MAML3: variants seen among roughly 807,000 people sequenced by gnomAD.
The protein encoded by MAML3 is mastermind-like protein 3.
In MAML3, 27 loss-of-function variants were observed where a neutral mutation model predicts 101.9. The observed-to-expected ratio is 0.27, with a 90% confidence interval of 0.20 to 0.37. MAML3 has a LOEUF of 0.37. Among genes scored for constraint, MAML3 ranks in the 10% least tolerant of loss-of-function variants. The pLI, the probability that MAML3 is intolerant of heterozygous loss-of-function variation, is 1.00. For missense variants in MAML3, 1,316 were observed against 1,444.9 expected (o/e 0.91, Z 1.45); for synonymous variants, 501 against 555.9 (o/e 0.90, Z 1.39).
chr4:139,784,012 C>T (rs1730262244), intron 2 of MAML3, among the ~76,000 whole-genome samples: 1 of 152,248 alleles, frequency 6.6e-6, no homozygotes, highest in Admixed American at 6.5e-5. Flanking sequence ...AGCTCACTGA[C>T]TGTGGGGGAG....
At chr4:140,041,670 G>C (rs77631279) in intron 1 of MAML3, among the ~76,000 whole-genome samples, 2,243 of 152,188 alleles carry the variant, frequency 0.015, 69 homozygotes, top group African/African-American at 0.05. Flanking sequence ...AAGGAAGGCA[G>C]GAGGATCAAC....
At chr4:139,906,494 C>G (rs946616845) in intron 1 of MAML3, among the ~76,000 whole-genome samples, 1 of 152,126 alleles carries the variant, frequency 6.6e-6, no homozygotes, top group African/African-American at 2.4e-5. Context: ...GAGAGATGTA[C>G]AGTGGGAAAA....
chr4:139,957,654 C>G (rs758148657), intron 1 of MAML3, among the ~76,000 whole-genome samples: 1 of 152,200 alleles, frequency 6.6e-6, no homozygotes, highest in Non-Finnish European at 1.5e-5. Context: ...TCTTTTTATA[C>G]CCAACAAACG....
intron 2 of MAML3, among the ~76,000 whole-genome samples, chr4:139,736,290 G>A (rs1302839074): frequency 6.6e-6 from 1 of 152,170 alleles, no homozygotes; most frequent in Non-Finnish European, 1.5e-5. Flanking sequence ...AGATACTATT[G>A]AAAGTTTTAT....
At chr4:140,042,843 C>G (rs577261386) in intron 1 of MAML3, among the ~76,000 whole-genome samples, 6 of 152,146 alleles carry the variant, frequency 3.9e-5, no homozygotes, top group African/African-American at 1.2e-4. Context: ...AACCCGGGCA[C>G]AAACTTTACA....
chr4:139,781,280 T>G (rs1730205917), intron 2 of MAML3, among the ~76,000 whole-genome samples: 1 of 152,168 alleles, frequency 6.6e-6, no homozygotes, highest in South Asian at 2.1e-4. Context: ...TAATTTATGC[T>G]GCACAATTCA....
rs1729227384 is a variant in MAML3, at chr4:140,154,146, G to A, written c.-819C>T. 2 of 172,932 alleles carry A rather than the reference G, an allele frequency of 1.2e-5. No homozygotes were observed. The highest frequency in any genetic ancestry group is 2.5e-5 in the Non-Finnish European group (2 of 81,240). The allele number at this position is 172,932 out of a possible 1,614,324, so 10.7% of individuals were successfully genotyped here. A position where few individuals can be genotyped will look rare whatever the true frequency, so the allele number is the denominator to read the frequency against. On this transcript the variant is annotated 5_prime_UTR_variant, in exon 1 of 5. It introduces an in-frame stop codon into an upstream open reading frame of the 5' UTR. Coordinates refer to ENST00000509479, the MANE Select transcript of MAML3 (RefSeq NM_018717.5). ...GCCGCCGCCTCCTCCTCCTCCTCTC[G>A]CTCCTCCACCTCCTCCTCCTCCTCC...
intron 1 of MAML3, among the ~76,000 whole-genome samples, chr4:139,974,395 G>A (rs938081303): frequency 6.6e-6 from 1 of 152,076 alleles, no homozygotes; most frequent in African/African-American, 2.4e-5. Flanking sequence ...GTAAGCCACC[G>A]CGCCCGGCCA....
At position 139,787,263 on chromosome 4, in the gene MAML3, C is replaced by G. The variant is rs537855275; in HGVS notation, c.2080-56596G>C. 8.0e-5 allele frequency among the ~76,000 whole-genome samples: 12 copies of G among 150,672 alleles called. No individual in the cohort carries two copies. The East Asian group carries it at 2.2e-3, about 27-fold the overall frequency. ...CTGTGCCCCTTAATCAAATACAGGT[C>G]CCCTCCTGGAACAGGGAGATCTACA... is the stretch of plus-strand genomic sequence containing the variant. On this transcript the variant is annotated intron_variant, in intron 2 of 4. Transcript: ENST00000509479.
chr4:139,809,018 T>A (rs1211329003), intron 2 of MAML3, among the ~76,000 whole-genome samples: 1 of 152,176 alleles, frequency 6.6e-6, no homozygotes, highest in African/African-American at 2.4e-5. Flanking sequence ...CTTTGGAGCC[T>A]GAGAGGCTCT....
intron 2 of MAML3, among the ~76,000 whole-genome samples, chr4:139,773,340 T>G: frequency 6.6e-6 from 1 of 152,192 alleles, no homozygotes; most frequent in South Asian, 2.1e-4. Context: ...GGAGTGGTGT[T>G]CATCAGATCA....
chr4:139,890,918 T>C lies in MAML3; in HGVS notation c.518A>G (p.Asn173Ser). ...ACAAGCACCATTCTGCTGGTCTCCA[T>C]TAAGTGGTGATCGAGCTCCTTCCAA... ...RKLEGARSPL[N>S]GDQQNGACDG... Residue 173 changes from asparagine to serine, a missense_variant, in exon 2 of 5, where the codon AAT becomes AGT. By Grantham distance (46) the Asn-to-Ser change is conservative (BLOSUM62 1). Transcript: ENST00000509479. The surrounding 1 kb of genome is among the most constrained non-coding windows in gnomAD (Gnocchi z 4.1). The C allele has an allele frequency of 6.2e-7, 1 of 1,613,548 alleles. No homozygotes were observed.
At position 140,153,394 on chromosome 4, in the gene MAML3, G is replaced by A; in HGVS notation, c.-67C>T. On this transcript the variant is annotated 5_prime_UTR_variant, in exon 1 of 5. Transcript: ENST00000509479. ...CCACCCCCCTATCAGCCTCCTCCTT[G>A]GGTCCAAGGATTAAAATAGTTTAAG... The A allele has an allele frequency of 6.8e-7, 1 of 1,473,482 alleles. No individual in the cohort carries two copies. The highest frequency in any genetic ancestry group is 1.4e-5 in the South Asian group (1 of 70,488). The allele number at this position is 1,473,482 out of a possible 1,614,324, so 91.3% of individuals were successfully genotyped here.
At chr4:140,096,283 T>C (rs1279381387) in intron 1 of MAML3, among the ~76,000 whole-genome samples, 1 of 152,200 alleles carries the variant, frequency 6.6e-6, no homozygotes, top group Middle Eastern at 3.2e-3. Context: ...AAACTGGAGA[T>C]GATTAGACAT....
At chr4:140,106,349 G>C (rs747822116) in intron 1 of MAML3, among the ~76,000 whole-genome samples, 4 of 151,952 alleles carry the variant, frequency 2.6e-5, no homozygotes, top group African/African-American at 9.7e-5. Context: ...CCCCATTCTG[G>C]TCAATGGATT....
At chr4:139,755,859 A>C (rs1046843491) in intron 2 of MAML3, among the ~76,000 whole-genome samples, 2 of 152,154 alleles carry the variant, frequency 1.3e-5, no homozygotes, top group Non-Finnish European at 2.9e-5. Flanking sequence ...AAATAAAAAA[A>C]CCCCCTAACT....
chr4:140,151,483 G>A (rs1226541916), intron 1 of MAML3, among the ~76,000 whole-genome samples: 1 of 152,054 alleles, frequency 6.6e-6, no homozygotes, highest in East Asian at 1.9e-4. Context: ...GAAAGCCCAC[G>A]GCAGCACTGG....
intron 1 of MAML3, among the ~76,000 whole-genome samples, chr4:140,054,067 T>G (rs974492260): frequency 3.9e-5 from 6 of 152,182 alleles, no homozygotes; most frequent in African/African-American, 1.4e-4. Flanking sequence ...ATTACTTTTA[T>G]GTTCTGAAAA....
intron 2 of MAML3, among the ~76,000 whole-genome samples, chr4:139,817,319 C>G (rs1382600826): frequency 1.3e-5 from 2 of 152,164 alleles, no homozygotes; most frequent in East Asian, 1.9e-4. Context: ...ACCATATCTC[C>G]CCTTCGAGAA....
Sources: allele counts gnomAD v4.1 joint callset (sites outside exome capture counted in the v4.1 genomes callset), GRCh38; gene constraint gnomAD v4.1.1; non-coding constraint Gnocchi (gnomAD v3.1); transcripts MANE v1.5; gene names NCBI Gene and HGNC (gene_info 2026-07-23, HGNC 2026-07-21).